The following PTP4A2 variants were observed in gnomAD, a reference collection of about 807,000 sequenced individuals.
The protein encoded by PTP4A2 is protein tyrosine phosphatase type IVA 2.
A neutral mutation model predicts 22.9 loss-of-function variants in PTP4A2; 2 were observed. The observed-to-expected ratio is 0.09, with a 90% CI of 0.04 to 0.27. PTP4A2 has a LOEUF of 0.27. Ranked by LOEUF, PTP4A2 falls within the 10% of genes least tolerant of loss-of-function variation. The pLI, the probability that PTP4A2 is intolerant of heterozygous loss-of-function variation, is 1.00. For synonymous variants in PTP4A2, 68 were observed against 69.1 expected, an observed-to-expected ratio of 0.98 and a Z score of 0.08; for missense variants, 103 against 205.1, an observed-to-expected ratio of 0.50 and a Z score of 3.04.
chr1:31,920,289 C>T (rs914086532), intron 1 of PTP4A2, among the ~76,000 whole-genome samples: 2 of 150,788 alleles, frequency 1.3e-5, no homozygotes, highest in Admixed American at 6.6e-5. Context: ...ACTAAAAATA[C>T]AAAATTAGCC....
rs757313685 is a variant in PTP4A2 at position 31,919,581 on chromosome 1, G to A, written c.-516C>T. On this transcript the variant is annotated 5_prime_UTR_variant, in exon 2 of 6. Coordinates refer to ENST00000647444, the MANE Select transcript of PTP4A2 (RefSeq NM_080391.4). ...TCCAAGCTCACTTGTCAGCGAAAAT[G>A]CTGTGCTGAGCCTGGCAGAAGTCTG... 1 of 152,720 alleles carries A rather than the reference G, an allele frequency of 6.5e-6. No homozygotes were observed. Among genetic ancestry groups the A allele is most frequent in the African/African-American group, 2.4e-5 (1 of 41,416 alleles). The allele number at this position is 152,720 out of a possible 1,614,324, so 9.5% of individuals were successfully genotyped here. A position where few individuals can be genotyped will look rare whatever the true frequency, so the allele number is the denominator to read the frequency against.
At chr1:31,922,546 C>T (rs114102484) in intron 1 of PTP4A2, among the ~76,000 whole-genome samples, 7,970 of 152,198 alleles carry the variant, frequency 0.052, 718 homozygotes, top group African/African-American at 0.18. Context: ...TATGATCGCA[C>T]TGCTAACTGG....
Position 31,908,154 on chromosome 1 carries a change from ATATATATATATAT to A in PTP4A2, c.*685_*697del, listed in dbSNP as rs1557858959. The stretch of plus-strand genomic sequence containing the variant: ...TATATATTATATTATATATATATAT[ATATATATATATAT>A]ATATATATATATATATATATATATA... On this transcript the variant is annotated 3_prime_UTR_variant, in exon 6 of 6. Coordinates refer to ENST00000647444, the MANE Select transcript of PTP4A2 (RefSeq NM_080391.4). 4.5e-4 allele frequency: 1 copy of A among 2,228 alleles called. No individual in the cohort carries two copies. 0.1% of individuals were successfully genotyped at this position (2,228 alleles called of 1,614,324 possible).
At chr1:31,930,014 A>G (rs566006028) in intron 1 of PTP4A2, among the ~76,000 whole-genome samples, 1 of 152,150 alleles carries the variant, frequency 6.6e-6, no homozygotes, top group South Asian at 2.1e-4. Context: ...CAAAGCAAAA[A>G]CTTTCCGGCT....
chr1:31,917,943 G>A (rs1233939966), intron 2 of PTP4A2, among the ~76,000 whole-genome samples: 2 of 78,646 alleles, frequency 2.5e-5, no homozygotes, highest in Non-Finnish European at 4.3e-5. Context: ...ACTGCACTCC[G>A]TCTCAAAAAA....
chr1:31,915,943 A>T lies in PTP4A2; in HGVS notation c.141T>A (p.Asp47Glu). The part of the protein sequence containing the change: ...YGVTTLVRVC[D>E]ATYDKAPVEK... Reference sequence around the variant, plus strand: ...CAACTGGAGCTTTATCATATGTAGCATCACAAACTCGAACCAAAGTCGTCA... The same window carrying T: ...CAACTGGAGCTTTATCATATGTAGCTTCACAAACTCGAACCAAAGTCGTCA... The change falls in exon 3 of 6, where the codon GAT becomes GAA. Residue 47 changes from aspartate to glutamate, a missense_variant. By Grantham distance (45) the Asp-to-Glu change is conservative. Coordinates refer to ENST00000647444, the MANE Select transcript of PTP4A2 (RefSeq NM_080391.4). The T allele has an allele frequency of 1.2e-6, 2 of 1,609,114 alleles. No homozygotes were observed. Among genetic ancestry groups the T allele is most frequent in the Non-Finnish European group, 1.7e-6 (2 of 1,177,730 alleles).
At chr1:31,922,637 T>TCTTTCTTTCTTTCTTTC (rs1553211660) in intron 1 of PTP4A2, among the ~76,000 whole-genome samples, 1 of 145,860 alleles carries the variant, frequency 6.9e-6, no homozygotes, top group Non-Finnish European at 1.5e-5. Flanking sequence ...TTTCTTTCTT[T>TCTTTCTTTCTTTCTTTC]TATTTATTTT....
chr1:31,927,700 T>C (rs887659365), intron 1 of PTP4A2, among the ~76,000 whole-genome samples: 2 of 152,140 alleles, frequency 1.3e-5, no homozygotes, highest in Non-Finnish European at 2.9e-5. Flanking sequence ...CAAGATACAC[T>C]TTGACGTGGG....
chr1:31,925,461 A>G (rs987079136), intron 1 of PTP4A2, among the ~76,000 whole-genome samples: 2 of 152,186 alleles, frequency 1.3e-5, no homozygotes, highest in African/African-American at 4.8e-5. Flanking sequence ...CTACAAATAA[A>G]GTGAATTTAG....
At chr1:31,922,634 C>CTTTCT (rs1385613288) in intron 1 of PTP4A2, among the ~76,000 whole-genome samples, 1 of 97,234 alleles carries the variant, frequency 1.0e-5, no homozygotes, top group Admixed American at 1.0e-4. Context: ...TTCTTTCTTT[C>CTTTCT]TTTTATTTAT....
chr1:31,918,248 CAA>C (rs111227977), intron 2 of PTP4A2, among the ~76,000 whole-genome samples: 3 of 105,132 alleles, frequency 2.9e-5, no homozygotes, highest in Non-Finnish European at 4.1e-5. Flanking sequence ...CTCCATCTCC[CAA>C]AAAAAAAAAA....
At chr1:31,911,937 CT>C (rs1651554506) in intron 3 of PTP4A2, 111 bp from the exon 4 acceptor site, 1 of 569,952 alleles carries the variant, frequency 1.8e-6, no homozygotes, top group Admixed American at 3.8e-5. Flanking sequence ...ACTAACTGCA[CT>C]ATATATACCT....
At chr1:31,925,560 C>A (rs566208142) in intron 1 of PTP4A2, among the ~76,000 whole-genome samples, 2 of 151,990 alleles carry the variant, frequency 1.3e-5, no homozygotes, top group South Asian at 4.2e-4. Context: ...AGATAAGAGA[C>A]CATCCTGGCT....
At chr1:31,918,868 G>A in intron 2 of PTP4A2, 102 bp downstream of exon 2, 1 of 674,328 alleles carries the variant, frequency 1.5e-6, no homozygotes, top group Non-Finnish European at 2.6e-6. Flanking sequence ...GGATTGGCAG[G>A]ATGACTCCAA....
rs1652017848 is a variant in PTP4A2, at chr1:31,919,234, T to G, written c.-169A>C. 1 of 417,742 alleles carries G rather than the reference T, an allele frequency of 2.4e-6. No individual in the cohort carries two copies. The highest frequency in any genetic ancestry group is 4.2e-5 in the East Asian group (1 of 23,806). 25.9% of individuals were successfully genotyped at this position (417,742 alleles called of 1,614,324 possible). ...TCAACTTGTTTATTCCTTATGAAGC[T>G]TCTCTCTTCAAGATAAGCAAAGTAT... On this transcript the variant is annotated 5_prime_UTR_variant, in exon 2 of 6. Coordinates refer to ENST00000647444, the MANE Select transcript of PTP4A2 (RefSeq NM_080391.4).
chr1:31,923,460 G>A (rs368295847), intron 1 of PTP4A2, among the ~76,000 whole-genome samples: 1 of 147,174 alleles, frequency 6.8e-6, no homozygotes, highest in Non-Finnish European at 1.5e-5. Context: ...TCAGCCTCCC[G>A]AGTAGCTGGG....
At chr1:31,927,083 A>G (rs1652500076) in intron 1 of PTP4A2, among the ~76,000 whole-genome samples, 1 of 152,232 alleles carries the variant, frequency 6.6e-6, no homozygotes, top group Non-Finnish European at 1.5e-5. Flanking sequence ...CTTATAGGCC[A>G]CTAAAAGCAT....
At chr1:31,934,997 G>C (rs1042006618) in intron 1 of PTP4A2, among the ~76,000 whole-genome samples, 5 of 152,134 alleles carry the variant, frequency 3.3e-5, no homozygotes, top group Admixed American at 6.5e-5. Flanking sequence ...TGCCTTAGTA[G>C]AAAGATCTTA....
Position 31,925,702 on chromosome 1 carries a change from G to A in PTP4A2, c.-593-6044C>T, listed in dbSNP as rs538116185. On this transcript the variant is annotated intron_variant, in intron 1 of 5. Transcript: ENST00000647444. Reference sequence around the variant, plus strand: ...GTGAACCCGGGAGGCAGAGCTTGCAGTGACCCAAGATCGCACCACTGCACC... The same window carrying A: ...GTGAACCCGGGAGGCAGAGCTTGCAATGACCCAAGATCGCACCACTGCACC... 7.2e-5 allele frequency among the ~76,000 whole-genome samples: 11 copies of A among 151,886 alleles called. No homozygotes were observed. In the East Asian group the frequency reaches 2.1e-3, roughly 29 times the overall value.
Sources: gnomAD v4.1 joint callset for allele counts (sites outside exome capture counted in the v4.1 genomes callset) on GRCh38, gnomAD v4.1.1 for gene constraint, MANE v1.5 for transcripts, NCBI Gene and HGNC (gene_info 2026-07-23, HGNC 2026-07-21) for gene names.